The following EXOC4 variants were observed in gnomAD, a reference collection of about 807,000 sequenced individuals.
EXOC4 encodes SEC8-like 1.
EXOC4 carries 71 observed loss-of-function variants against 107.2 expected under a neutral mutation model. That is an observed-to-expected ratio of 0.66 (90% CI 0.55 to 0.81). The LOEUF (loss-of-function observed/expected upper bound fraction) is 0.81. EXOC4 is among the 30% of genes least tolerant of loss of function. EXOC4 has a pLI of 0.00. For synonymous variants in EXOC4, 456 were observed against 441.2 expected, an observed-to-expected ratio of 1.03 and a Z score of -0.42; for missense variants, 1,108 against 1,189.6, an observed-to-expected ratio of 0.93 and a Z score of 1.01.
intron 6 of EXOC4, among the ~76,000 whole-genome samples, chr7:133,363,486 T>C (rs1796176924): frequency 6.6e-6 from 1 of 152,126 alleles, no homozygotes; most frequent in Non-Finnish European, 1.5e-5. Flanking sequence ...TTTGGACAGC[T>C]ATCATTCTGG....
intron 17 of EXOC4, among the ~76,000 whole-genome samples, chr7:134,060,405 C>T (rs1796028926): frequency 2.0e-5 from 3 of 152,310 alleles, no homozygotes; most frequent in African/African-American, 7.2e-5. Context: ...TGAAGGGCTA[C>T]AAACCATGAG....
At chr7:133,820,208 A>C (rs1307755271) in intron 11 of EXOC4, among the ~76,000 whole-genome samples, 1 of 83,790 alleles carries the variant, frequency 1.2e-5, no homozygotes, top group Non-Finnish European at 2.5e-5. Context: ...TTTTTTCATT[A>C]AAAAAATTTA....
At chr7:133,695,117 C>T (rs1038489097) in intron 10 of EXOC4, among the ~76,000 whole-genome samples, 7 of 152,126 alleles carry the variant, frequency 4.6e-5, no homozygotes, top group African/African-American at 1.2e-4. Context: ...CCACTGCGCC[C>T]GGCCCCCACT....
At chr7:133,586,687 C>G (rs1221810479) in intron 9 of EXOC4, among the ~76,000 whole-genome samples, 2 of 152,186 alleles carry the variant, frequency 1.3e-5, no homozygotes, top group Non-Finnish European at 2.9e-5. Flanking sequence ...AAAGGCCTCT[C>G]AGAAGTTTTC....
chr7:133,431,928 G>A (rs1563063441), intron 7 of EXOC4, among the ~76,000 whole-genome samples: 1 of 152,166 alleles, frequency 6.6e-6, no homozygotes, highest in Non-Finnish European at 1.5e-5. Context: ...ATTCCAGGGA[G>A]CAGACTATTA....
intron 7 of EXOC4, among the ~76,000 whole-genome samples, chr7:133,439,430 G>C (rs1442437493): frequency 6.6e-6 from 1 of 151,950 alleles, no homozygotes; most frequent in African/African-American, 2.4e-5. Context: ...TGATCTGCCT[G>C]TCTCAGCCTC....
At chr7:133,618,321 A>G (rs1484098290) in intron 9 of EXOC4, among the ~76,000 whole-genome samples, 1 of 151,844 alleles carries the variant, frequency 6.6e-6, no homozygotes, top group Non-Finnish European at 1.5e-5. Flanking sequence ...AGTTCAATAT[A>G]CCATTCTGTG....
chr7:133,544,625 C>T (rs1459467373), intron 9 of EXOC4, among the ~76,000 whole-genome samples: 1 of 152,060 alleles, frequency 6.6e-6, no homozygotes, highest in East Asian at 1.9e-4. Flanking sequence ...TACTGTCATA[C>T]TGTCATTTTT....
intron 11 of EXOC4, among the ~76,000 whole-genome samples, chr7:133,845,777 G>A (rs1040055028): frequency 6.6e-6 from 1 of 152,128 alleles, no homozygotes; most frequent in East Asian, 1.9e-4. Context: ...CAGATTACAG[G>A]TTTATTTTAT....
intron 10 of EXOC4, among the ~76,000 whole-genome samples, chr7:133,801,744 A>G (rs1796949257): frequency 1.3e-5 from 2 of 152,228 alleles, no homozygotes; most frequent in Admixed American, 1.3e-4. Flanking sequence ...GTTAAGTCTT[A>G]GAAAAATCTC....
intron 11 of EXOC4, among the ~76,000 whole-genome samples, chr7:133,839,023 TA>T (rs1797972802): frequency 6.6e-6 from 1 of 152,210 alleles, no homozygotes; most frequent in Non-Finnish European, 1.5e-5. Context: ...GTGTTAGGCA[TA>T]CATACAATGA....
chr7:133,548,977 A>G (rs1037977618), intron 9 of EXOC4, among the ~76,000 whole-genome samples: 3 of 152,152 alleles, frequency 2.0e-5, no homozygotes, highest in African/African-American at 7.2e-5. Context: ...ACTAAGCTTA[A>G]TTATTTCTAG....
At chr7:133,985,159 A>G (rs933768931) in intron 14 of EXOC4, among the ~76,000 whole-genome samples, 1 of 152,214 alleles carries the variant, frequency 6.6e-6, no homozygotes, top group Admixed American at 6.5e-5. Context: ...GAAACACTAA[A>G]AAGTTATATT....
At chr7:133,994,651 G>A (rs1170593160) in intron 14 of EXOC4, among the ~76,000 whole-genome samples, 1 of 152,086 alleles carries the variant, frequency 6.6e-6, no homozygotes, top group Non-Finnish European at 1.5e-5. Context: ...AAGCGATCAA[G>A]CACTTACATA....
intron 14 of EXOC4, among the ~76,000 whole-genome samples, chr7:133,974,609 C>T (rs1793785908): frequency 2.0e-5 from 3 of 152,170 alleles, no homozygotes; most frequent in Non-Finnish European, 4.4e-5. Flanking sequence ...ACTTGAATGG[C>T]ATTTTGTTCG....
At chr7:133,742,053 T>C (rs1795576397) in intron 10 of EXOC4, among the ~76,000 whole-genome samples, 1 of 152,226 alleles carries the variant, frequency 6.6e-6, no homozygotes, top group Non-Finnish European at 1.5e-5. Flanking sequence ...ATAATACACT[T>C]TGTAGGTACT....
chr7:133,457,681 A>G lies in EXOC4; in HGVS notation c.1183-17647A>G, dbSNP rs575020025. On this transcript the variant is annotated intron_variant, in intron 7 of 17. Coordinates refer to ENST00000253861, the MANE Select transcript of EXOC4 (RefSeq NM_021807.4). ...GGCAACCAGGGACTCTGCCGGAAGG[A>G]CTTCACAATCTGGCAGAGACATTTT... Among the ~76,000 whole-genome samples, 6 of 152,330 alleles carry G rather than the reference A, an allele frequency of 3.9e-5. No individual in the cohort carries two copies. In the East Asian group the frequency reaches 1.2e-3, roughly 29 times the overall value.
chr7:133,386,147 A>G (rs576613602), intron 7 of EXOC4, among the ~76,000 whole-genome samples: 1 of 152,304 alleles, frequency 6.6e-6, no homozygotes, highest in East Asian at 1.9e-4. Flanking sequence ...TAAAATACCA[A>G]ATATTTTGAT....
chr7:133,505,936 G>A (rs1174342785), intron 9 of EXOC4, among the ~76,000 whole-genome samples: 7 of 152,114 alleles, frequency 4.6e-5, no homozygotes, highest in Non-Finnish European at 8.8e-5. Flanking sequence ...CGTGCAGGCA[G>A]TGTCCATCAG....
Sources: gnomAD v4.1 joint callset for allele counts (sites outside exome capture counted in the v4.1 genomes callset) on GRCh38, gnomAD v4.1.1 for gene constraint, MANE v1.5 for transcripts, NCBI Gene and HGNC (gene_info 2026-07-23, HGNC 2026-07-21) for gene names.